Variants in SDK1 observed in about 807,000 individuals in gnomAD.
The protein encoded by SDK1 is protein sidekick-1.
Under a neutral mutation model 245.5 loss-of-function variants are expected in SDK1, and 157 were observed. That is an observed-to-expected ratio of 0.64 (90% CI 0.56 to 0.73). The LOEUF is 0.73. SDK1 is among the 30% of genes least tolerant of loss of function. SDK1 has a pLI of 0.00. For missense variants in SDK1, 3,583 were observed against 3,002.3 expected, an observed-to-expected ratio of 1.19 and a Z score of -4.52; for synonymous variants, 1,647 against 1,278.5, an observed-to-expected ratio of 1.29 and a Z score of -6.15.
intron 1 of SDK1, among the ~76,000 whole-genome samples, chr7:3,491,678 C>T (rs189174399): frequency 2.3e-3 from 354 of 152,304 alleles, no homozygotes; most frequent in Non-Finnish European, 3.5e-3. Flanking sequence ...CACACATTCT[C>T]AGTTGAGCTA....
chr7:3,541,677 C>T (rs1027379697), intron 1 of SDK1, among the ~76,000 whole-genome samples: 1 of 152,132 alleles, frequency 6.6e-6, no homozygotes, highest in Non-Finnish European at 1.5e-5. Flanking sequence ...AAGTCCATGT[C>T]ACTAATTTCT....
chr7:3,721,842 T>C (rs1052508759), intron 4 of SDK1, among the ~76,000 whole-genome samples: 3 of 152,216 alleles, frequency 2.0e-5, no homozygotes, highest in Admixed American at 6.5e-5. Context: ...GCATAACAAC[T>C]TCATGAACTG....
chr7:3,806,898 C>T (rs962140232), intron 4 of SDK1, among the ~76,000 whole-genome samples: 3 of 152,050 alleles, frequency 2.0e-5, no homozygotes, highest in Non-Finnish European at 2.9e-5. Context: ...GTGATATTAC[C>T]TAAATTTGCT....
chr7:3,466,948 G>C (rs1781018764), intron 1 of SDK1, among the ~76,000 whole-genome samples: 1 of 141,260 alleles, frequency 7.1e-6, no homozygotes. Context: ...TTTGTCTCTA[G>C]TTACTTCGAA....
At chr7:3,911,398 G>T (rs1421646982) in intron 5 of SDK1, among the ~76,000 whole-genome samples, 1 of 152,122 alleles carries the variant, frequency 6.6e-6, no homozygotes, top group Non-Finnish European at 1.5e-5. Context: ...AGTTCTGGAG[G>T]CTGTGAAGTC....
At chr7:4,074,914 A>ATTTTTTTTTT (rs1346494463) in intron 20 of SDK1, among the ~76,000 whole-genome samples, 11 of 77,068 alleles carry the variant, frequency 1.4e-4, no homozygotes, top group African/African-American at 1.1e-3. Flanking sequence ...ATATATATAT[A>ATTTTTTTTTT]TATTTTTTTT....
At chr7:3,731,484 A>G (rs779403380) in intron 4 of SDK1, among the ~76,000 whole-genome samples, 4 of 152,230 alleles carry the variant, frequency 2.6e-5, no homozygotes, top group Non-Finnish European at 4.4e-5. Context: ...GAGTTGCCAG[A>G]TGACGTTTCT....
At position 4,114,065 on chromosome 7, in the gene SDK1, A is replaced by G; in HGVS notation, c.3614A>G (p.Asn1205Ser). 1 of 1,614,138 alleles carries G rather than the reference A, an allele frequency of 6.2e-7. No individual in the cohort carries two copies. The highest frequency in any genetic ancestry group is 8.5e-7 in the Non-Finnish European group (1 of 1,180,026). ...CTGCCGGATTCTCAGTACAACGGGA[A>G]CCCCGAGTCCGTGGGCTACAGGATT... ...VPLPDSQYNG[N>S]PESVGYRIKY... The change falls in exon 25 of 45, where the codon AAC becomes AGC. Residue 1205 changes from asparagine to serine, a missense_variant. Transcript: ENST00000404826.
At chr7:3,566,289 A>T (rs1779914885) in intron 1 of SDK1, among the ~76,000 whole-genome samples, 1 of 141,542 alleles carries the variant, frequency 7.1e-6, no homozygotes, top group Admixed American at 7.5e-5. Context: ...CAGTGGCGCG[A>T]TCTTGGCTCA....
chr7:3,834,364 C>G (rs950170836), intron 5 of SDK1, among the ~76,000 whole-genome samples: 1 of 152,162 alleles, frequency 6.6e-6, no homozygotes, highest in Non-Finnish European at 1.5e-5. Context: ...GCTGGCGCAC[C>G]AGGAAATGAC....
intron 1 of SDK1, among the ~76,000 whole-genome samples, chr7:3,403,550 A>G (rs1778946106): frequency 6.6e-6 from 1 of 151,928 alleles, no homozygotes; most frequent in Admixed American, 6.6e-5. Context: ...TGGTAAATAA[A>G]AGTTTATTTG....
At position 3,669,580 on chromosome 7, in the gene SDK1, C is replaced by A. The variant is rs537133252; in HGVS notation, c.713+27475C>A. On this transcript the variant is annotated intron_variant, in intron 4 of 44. Coordinates refer to ENST00000404826, the MANE Select transcript of SDK1 (RefSeq NM_152744.4). Reference sequence around the variant, plus strand: ...GCTCTCTTCTTCTTAGACCTCTTTGCCAACTTGCCTTCCTCCACCTGTCTT... The same window carrying A: ...GCTCTCTTCTTCTTAGACCTCTTTGACAACTTGCCTTCCTCCACCTGTCTT... 5.3e-4 allele frequency among the ~76,000 whole-genome samples: 80 copies of A among 152,296 alleles called. 2 individuals carry two copies. In the South Asian group the frequency reaches 0.016, roughly 30 times the overall value.
intron 1 of SDK1, among the ~76,000 whole-genome samples, chr7:3,489,655 T>G (rs564530661): frequency 2.0e-5 from 3 of 152,302 alleles, no homozygotes; most frequent in Non-Finnish European, 4.4e-5. Context: ...AAAATGTTAT[T>G]TTTTTCTGCA....
In SDK1 at chr7:3,580,995, C is replaced by CA. The variant is rs1562578386; in HGVS notation, c.299-38085_299-38084insA. Among the ~76,000 whole-genome samples the CA allele has an allele frequency of 1.5e-4, 9 of 59,402 alleles. 1 individual carries two copies. Among genetic ancestry groups the CA allele is most frequent in the Non-Finnish European group, 2.9e-4 (9 of 31,508 alleles). 39.0% of individuals were successfully genotyped at this position (59,402 alleles called of 152,430 possible). On this transcript the variant is annotated intron_variant, in intron 1 of 44. Transcript: ENST00000404826. ...AAAAAAAAAAAAAAAAAAAAAAAAACCAAAACAAAACCCTGGAAGACAATC... is the reference window on the plus strand; with the variant it reads ...AAAAAAAAAAAAAAAAAAAAAAAAACACAAAACAAAACCCTGGAAGACAATC...
chr7:4,035,952 G>A (rs527588047), intron 17 of SDK1, among the ~76,000 whole-genome samples: 11 of 152,274 alleles, frequency 7.2e-5, no homozygotes, highest in Admixed American at 2.0e-4. Context: ...ATTTCAATCC[G>A]TAACTATTCA....
At chr7:4,103,087 G>A (rs909340154) in intron 22 of SDK1, among the ~76,000 whole-genome samples, 14 of 146,392 alleles carry the variant, frequency 9.6e-5, no homozygotes, top group African/African-American at 2.8e-4. Context: ...TGCAAGCTCC[G>A]CCTGCCGGGC....
intron 5 of SDK1, among the ~76,000 whole-genome samples, chr7:3,860,087 G>GT (rs201738747): frequency 0.053 from 8,046 of 151,856 alleles, 691 homozygotes; most frequent in African/African-American, 0.18. Flanking sequence ...TCCTGGCTAA[G>GT]TTTTTTGTAT....
intron 5 of SDK1, among the ~76,000 whole-genome samples, chr7:3,868,013 A>G (rs915716552): frequency 1.3e-5 from 2 of 152,084 alleles, no homozygotes; most frequent in African/African-American, 4.8e-5. Context: ...ACCCTATTTC[A>G]TAACTCGAGA....
intron 1 of SDK1, among the ~76,000 whole-genome samples, chr7:3,554,791 A>G (rs1351257077): frequency 6.6e-6 from 1 of 152,240 alleles, no homozygotes; most frequent in Non-Finnish European, 1.5e-5. Flanking sequence ...GTCTATGCCA[A>G]AAACAAACAA....
Sources: gnomAD v4.1 joint callset for allele counts (sites outside exome capture counted in the v4.1 genomes callset) on GRCh38, gnomAD v4.1.1 for gene constraint, MANE v1.5 for transcripts, NCBI Gene and HGNC (gene_info 2026-07-23, HGNC 2026-07-21) for gene names.